Variants in BLTP1 observed in about 807,000 individuals in gnomAD.
BLTP1 encodes fragile site-associated protein.
At chr4:122,156,642 A>C in the BLTP1 span, among the ~76,000 whole-genome samples, 1 of 152,240 alleles carries the variant, frequency 6.6e-6, no homozygotes, top group Non-Finnish European at 1.5e-5. Flanking sequence ...TTAGTTGTAA[A>C]TGAATAGAGA....
the BLTP1 span, among the ~76,000 whole-genome samples, chr4:122,198,984 C>G: frequency 6.6e-6 from 1 of 152,180 alleles, no homozygotes; most frequent in South Asian, 2.1e-4. Flanking sequence ...ATAGCTGTTA[C>G]TTAGTAACCA....
chr4:122,214,875 G>A, the BLTP1 span, among the ~76,000 whole-genome samples: 1 of 151,986 alleles, frequency 6.6e-6, no homozygotes, highest in Admixed American at 6.6e-5. Context: ...GCCTCCTGAA[G>A]TGCTGGGATT....
At chr4:122,215,340 A>G in the BLTP1 span, 1 of 963,524 alleles carries the variant, frequency 1.0e-6, no homozygotes, top group Non-Finnish European at 1.2e-6. Context: ...TACAATGATA[A>G]CAGACTACAA....
the BLTP1 span, chr4:122,250,644 C>A: frequency 1.4e-6 from 2 of 1,446,338 alleles, no homozygotes; most frequent in South Asian, 1.2e-5. Context: ...ATATGCAATT[C>A]AAAATTAGTT....
the BLTP1 span, chr4:122,289,704 T>A: frequency 2.1e-6 from 2 of 950,510 alleles, no homozygotes; most frequent in Non-Finnish European, 2.5e-6. Context: ...TGTATAACAG[T>A]TCTTAATGCT....
the BLTP1 span, chr4:122,277,547 T>C: frequency 6.5e-5 from 62 of 951,240 alleles, no homozygotes; most frequent in Admixed American, 3.7e-4. Flanking sequence ...GTTCTAGGCA[T>C]TGGAAAGAGC....
At chr4:122,343,825 T>G in the BLTP1 span, 1 of 515,568 alleles carries the variant, frequency 1.9e-6, no homozygotes, top group Non-Finnish European at 2.5e-6. Flanking sequence ...ATTCAGAATA[T>G]TTTCTAAGCG....
the BLTP1 span, among the ~76,000 whole-genome samples, chr4:122,238,677 C>T: frequency 6.6e-6 from 1 of 152,172 alleles, no homozygotes; most frequent in South Asian, 2.1e-4. Context: ...CCTCTTGCCA[C>T]CTTAATAGTT....
the BLTP1 span, chr4:122,182,894 T>TA: frequency 1.0e-6 from 1 of 985,170 alleles, no homozygotes; most frequent in Non-Finnish European, 1.2e-6. Flanking sequence ...AAATACCTGT[T>TA]AAAGATTTTT....
At chr4:122,271,003 A>G in the BLTP1 span, 5 of 1,554,458 alleles carry the variant, frequency 3.2e-6, no homozygotes, top group African/African-American at 1.4e-5. Flanking sequence ...TCCTTTTTTT[A>G]TTTCACGTTT....
the BLTP1 span, chr4:122,208,985 TAA>T: frequency 0.15 from 52,947 of 359,344 alleles, 852 homozygotes; most frequent in African/African-American, 0.22. Context: ...GTGAGACCAT[TAA>T]AAAAAAAAAA....
the BLTP1 span, chr4:122,175,801 T>C: frequency 7.9e-7 from 1 of 1,263,512 alleles, no homozygotes; most frequent in Non-Finnish European, 1.1e-6. Flanking sequence ...AAGAAATGAG[T>C]TAAGTAAATT....
chr4:122,250,694 A>G, the BLTP1 span: 1 of 984,092 alleles, frequency 1.0e-6, no homozygotes. Flanking sequence ...TTTTGGATTT[A>G]TGATATCTGC....
the BLTP1 span, among the ~76,000 whole-genome samples, chr4:122,177,597 A>G: frequency 8.6e-4 from 131 of 152,174 alleles, no homozygotes; most frequent in Non-Finnish European, 1.5e-3. Context: ...TAAATATTCT[A>G]TAAAATTCCT....
the BLTP1 span, chr4:122,261,298 A>T: frequency 1.0e-6 from 1 of 985,264 alleles, no homozygotes; most frequent in Non-Finnish European, 1.2e-6. Context: ...CAACCTTCTG[A>T]ATCATATTTA....
chr4:122,311,185 C>T, the BLTP1 span, among the ~76,000 whole-genome samples: 8 of 152,014 alleles, frequency 5.3e-5, no homozygotes, highest in South Asian at 2.1e-4. Flanking sequence ...ATGAGAAATA[C>T]GCTCTGACTC....
At chr4:122,163,427 T>A in the BLTP1 span, among the ~76,000 whole-genome samples, 5 of 152,190 alleles carry the variant, frequency 3.3e-5, no homozygotes, top group Non-Finnish European at 7.3e-5. Flanking sequence ...CGTTTCTCGC[T>A]TGTCCCTGGA....
the BLTP1 span, among the ~76,000 whole-genome samples, chr4:122,361,168 A>G: frequency 6.6e-6 from 1 of 152,034 alleles, no homozygotes; most frequent in Non-Finnish European, 1.5e-5. Flanking sequence ...ACCACCCCCA[A>G]CCCCCACCCT....
the BLTP1 span, chr4:122,334,240 C>CA: frequency 5.6e-6 from 6 of 1,073,800 alleles, no homozygotes; most frequent in South Asian, 6.8e-5. Flanking sequence ...AAAGTTAAAA[C>CA]AGTCTTCTGA....
Sources: allele counts gnomAD v4.1 joint callset (sites outside exome capture counted in the v4.1 genomes callset), GRCh38; gene constraint gnomAD v4.1.1; transcripts MANE v1.5; gene names NCBI Gene and HGNC (gene_info 2026-07-23, HGNC 2026-07-21).